AFM: variants seen among roughly 807,000 people sequenced by gnomAD.
AFM encodes alpha-Alb.
AFM carries 82 observed loss-of-function variants against 68.7 expected under a neutral mutation model. The observed-to-expected ratio is 1.19, with a 90% CI of 1.00 to 1.43. The LOEUF (loss-of-function observed/expected upper bound fraction) is 1.43. AFM is among the 40% of genes most tolerant of loss of function. The pLI, the probability that AFM is intolerant of heterozygous loss-of-function variation, is 0.00. For synonymous variants in AFM, 250 were observed against 234.2 expected (o/e 1.07, Z -0.61); for missense variants, 772 against 701.8 (o/e 1.10, Z -1.13).
chr4:73,484,530 T>C (rs1720835047), intron 3 of AFM, 140 bp downstream of exon 3: 4 of 759,250 alleles, frequency 5.3e-6, no homozygotes, highest in Non-Finnish European at 7.7e-6. Flanking sequence ...TCTTTCTTTC[T>C]TTCTTTCCTT....
At chr4:73,483,333 A>G (rs1299168603) in intron 1 of AFM, among the ~76,000 whole-genome samples, 2 of 152,218 alleles carry the variant, frequency 1.3e-5, no homozygotes, top group Non-Finnish European at 2.9e-5. Flanking sequence ...ACCTGATGTC[A>G]AGGGGAGATA....
At chr4:73,491,594 G>A (rs1263366967) in intron 7 of AFM, among the ~76,000 whole-genome samples, 1 of 152,128 alleles carries the variant, frequency 6.6e-6, no homozygotes, top group East Asian at 1.9e-4. Context: ...CAGTGTAGGA[G>A]GGTTATTTAA....
chr4:73,484,470 C>CT (rs1348564872), intron 3 of AFM, 80 bp downstream of exon 3: 1 of 551,556 alleles, frequency 1.8e-6, no homozygotes, highest in Non-Finnish European at 3.0e-6. Context: ...TTCTTTCTTT[C>CT]TTTCTTTCTT....
rs936316986 is a variant in AFM, at chr4:73,500,077, G to A, written c.1496G>A (p.Cys499Tyr). Residue 499 changes from cysteine (C) to tyrosine (Y), a missense_variant, in exon 12 of 15, where the codon TGT becomes TAT. Coordinates refer to ENST00000226355, the MANE Select transcript of AFM (RefSeq NM_001133.2). ...ATCAACCCTGCTGTGGACCACTGCT[G>A]TAAAACAAACTTTGCCTTCAGAAGG... ...RTINPAVDHC[C>Y]KTNFAFRRPC... 27 of 1,613,952 alleles carry A rather than the reference G, an allele frequency of 1.7e-5. No individual in the cohort carries two copies. Among genetic ancestry groups the A allele is most frequent in the Non-Finnish European group, 2.2e-5 (26 of 1,179,972 alleles).
intron 8 of AFM, among the ~76,000 whole-genome samples, chr4:73,492,720 TG>T (rs1456096536): frequency 6.8e-6 from 1 of 147,636 alleles, no homozygotes; most frequent in Non-Finnish European, 1.5e-5. Flanking sequence ...TGCTTGAACC[TG>T]GGAGGCAGAG....
chr4:73,491,245 G>A (rs930520026), intron 7 of AFM, among the ~76,000 whole-genome samples: 4 of 152,116 alleles, frequency 2.6e-5, no homozygotes, highest in African/African-American at 9.7e-5. Context: ...TAGGGATGGG[G>A]ACAGAATAAA....
rs761937783 is a variant in AFM, at chr4:73,495,268, A to G, written c.1059-32A>G. Reference sequence around the variant, plus strand: ...AATTGGGTTTTTTGCTCTTTCTCTAATTTCTAATATACAAAATTTTACACA... The same window carrying G: ...AATTGGGTTTTTTGCTCTTTCTCTAGTTTCTAATATACAAAATTTTACACA... On this transcript the variant is annotated intron_variant, in intron 8 of 14. Coordinates refer to ENST00000226355, the MANE Select transcript of AFM (RefSeq NM_001133.2). 5.8e-6 allele frequency: 9 copies of G among 1,547,100 alleles called. No homozygotes were observed. The African/African-American group carries it at 1.3e-4, about 22-fold the overall frequency.
At chr4:73,501,480 T>A (rs1474630300) in intron 12 of AFM, among the ~76,000 whole-genome samples, 3 of 152,130 alleles carry the variant, frequency 2.0e-5, no homozygotes, top group Non-Finnish European at 4.4e-5. Context: ...ATACTAGAAC[T>A]TATTACTGCT....
chr4:73,502,924 G>T (rs963593957), intron 13 of AFM, 126 bp from the exon 14 acceptor site: 5 of 896,734 alleles, frequency 5.6e-6, no homozygotes, highest in Non-Finnish European at 3.5e-6. Flanking sequence ...AATGTTTACT[G>T]TTTCCCTGTA....
chr4:73,486,153 T>A, intron 4 of AFM, 80 bp downstream of exon 4: 1 of 1,162,398 alleles, frequency 8.6e-7, no homozygotes, highest in South Asian at 1.4e-5. Context: ...CAAATAAATA[T>A]GGCTGGGTTC....
In AFM at chr4:73,501,872, G is replaced by A; in HGVS notation, c.1732G>A (p.Asp578Asn). ...SLFTNFANVV[D>N]KCCKAESPEV... ...GTTTACAAATTTCGCAAATGTAGTG[G>A]ATAAGTGCTGCAAAGCAGAGAGTCC... The change falls in exon 13 of 15, where the codon GAT becomes AAT. Residue 578 changes from aspartate to asparagine, a missense_variant. Asp to Asn is a conservative substitution (Grantham distance 23). Transcript: ENST00000226355. 6.2e-7 allele frequency: 1 copy of A among 1,613,562 alleles called. No homozygotes were observed. The highest frequency in any genetic ancestry group is 1.1e-5 in the South Asian group (1 of 91,054).
rs781660797 is a variant in AFM at position 73,492,056 on chromosome 4, G to A, written c.1028G>A (p.Arg343Gln). The A allele has an allele frequency of 1.4e-5, 23 of 1,612,382 alleles. No individual in the cohort carries two copies. Among genetic ancestry groups the A allele is most frequent in the Middle Eastern group, 1.7e-4 (1 of 6,052 alleles). The change falls in exon 8 of 15, where the codon CGA becomes CAA. Residue 343 changes from arginine to glutamine, a missense_variant. Physicochemically the swap from Arg to Gln is conservative, Grantham distance 43 (BLOSUM62 1). Transcript: ENST00000226355. ...GACAGTGAAAATGTGTGTCAAGAAC[G>A]AGATGCTGACCCAGACACCTTCTTT... The part of the protein sequence containing the change: ...FTDSENVCQE[R>Q]DADPDTFFAK...
In AFM at chr4:73,500,142, C is replaced by T; in HGVS notation, c.1561C>T (p.Pro521Ser). The change falls in exon 12 of 15, where the codon CCT (proline) becomes TCT (serine). Residue 521 changes from proline to serine, a missense_variant. Transcript: ENST00000226355. ...ESLKADKTYV[P>S]PPFSQDLFTF... ...TTTGAAAGCTGATAAAACATATGTGCCTCCACCTTTCTCTCAAGATTTATT... is the reference window on the plus strand; with the variant it reads ...TTTGAAAGCTGATAAAACATATGTGTCTCCACCTTTCTCTCAAGATTTATT... The T allele has an allele frequency of 6.2e-7, 1 of 1,613,974 alleles. No individual in the cohort carries two copies. Among genetic ancestry groups the T allele is most frequent in the Non-Finnish European group, 8.5e-7 (1 of 1,179,940 alleles).
At chr4:73,486,471 C>T (rs1390171197) in intron 4 of AFM, among the ~76,000 whole-genome samples, 1 of 152,152 alleles carries the variant, frequency 6.6e-6, no homozygotes, top group Non-Finnish European at 1.5e-5. Flanking sequence ...GCTGTCATTG[C>T]AGAAACAGAC....
At position 73,487,119 on chromosome 4, in the gene AFM, C is replaced by A. The variant is rs768404058; in HGVS notation, c.615+20C>A. The A allele has an allele frequency of 4.3e-6, 7 of 1,612,776 alleles. No individual in the cohort carries two copies. Among genetic ancestry groups the A allele is most frequent in the Non-Finnish European group, 5.9e-6 (7 of 1,179,340 alleles). ...ACAAGGGTGGGTATAGCATTTGTTCCATGAAGAGGATAAGAAATCACTCAA... is the reference window on the plus strand; with the variant it reads ...ACAAGGGTGGGTATAGCATTTGTTCAATGAAGAGGATAAGAAATCACTCAA... On this transcript the variant is annotated intron_variant, in intron 5 of 14. Coordinates refer to ENST00000226355, the MANE Select transcript of AFM (RefSeq NM_001133.2).
chr4:73,488,725 G>A lies in AFM; in HGVS notation c.809G>A (p.Cys270Tyr), dbSNP rs1427573771. ...EDVSSNYDGC[C>Y]EGDVVQCIRD... is the part of the protein sequence containing the mutation. The stretch of plus-strand genomic sequence containing the variant: ...GTTTCTTCCAACTATGATGGATGCT[G>A]TGAAGGGGATGTTGTGCAGTGCATC... The change falls in exon 7 of 15, where the codon TGT becomes TAT. Residue 270 changes from cysteine to tyrosine, a missense_variant. Transcript: ENST00000226355. 19 of 1,613,074 alleles carry A rather than the reference G, an allele frequency of 1.2e-5. No individual in the cohort carries two copies. The South Asian group carries it at 1.5e-4, about 13-fold the overall frequency.
chr4:73,502,769 AT>A (rs1045986107), intron 13 of AFM, among the ~76,000 whole-genome samples: 8 of 152,184 alleles, frequency 5.3e-5, no homozygotes, highest in African/African-American at 1.9e-4. Context: ...TTTTTAAAAA[AT>A]ATACCTAATT....
At chr4:73,484,458 CTTTCTTT>C in intron 3 of AFM, 68 bp downstream of exon 3, 2 of 462,144 alleles carry the variant, frequency 4.3e-6, no homozygotes. Flanking sequence ...TTCTTTCTTT[CTTTCTTT>C]CTTTCTTTCT....
At chr4:73,493,460 A>C (rs1053363932) in intron 8 of AFM, among the ~76,000 whole-genome samples, 14 of 152,318 alleles carry the variant, frequency 9.2e-5, no homozygotes, top group African/African-American at 3.4e-4. Context: ...CTATCAGAAG[A>C]GAATTTTATA....
Sources: allele counts gnomAD v4.1 joint callset (sites outside exome capture counted in the v4.1 genomes callset), GRCh38; gene constraint gnomAD v4.1.1; transcripts MANE v1.5; gene names NCBI Gene and HGNC (gene_info 2026-07-23, HGNC 2026-07-21).